WWOX: variants seen among roughly 807,000 people sequenced by gnomAD.
WWOX encodes WW domain containing oxidoreductase.
WWOX carries 69 observed loss-of-function variants against 46.2 expected under a neutral mutation model. The ratio of observed to expected loss-of-function variants is 1.49; its 90% CI spans 1.23 to 1.82. The LOEUF (loss-of-function observed/expected upper bound fraction) is 1.82. Among genes scored for constraint, WWOX ranks in the 40% most tolerant of loss-of-function variants. The pLI is 0.00. For missense variants in WWOX, 919 were observed against 542.6 expected, an observed-to-expected ratio of 1.69 and a Z score of -6.89; for synonymous variants, 359 against 202.6, an observed-to-expected ratio of 1.77 and a Z score of -6.56.
intron 8 of WWOX, among the ~76,000 whole-genome samples, chr16:79,031,909 T>TCTGTATAC (rs1567501262): frequency 0.016 from 1,110 of 69,472 alleles, 12 homozygotes; most frequent in African/African-American, 0.038. Context: ...TCTATATATA[T>TCTGTATAC]AGATATCTAT....
chr16:78,672,097 C>T (rs1024073905), intron 8 of WWOX, among the ~76,000 whole-genome samples: 3 of 152,200 alleles, frequency 2.0e-5, no homozygotes, highest in Admixed American at 6.5e-5. Flanking sequence ...CACAACTCTC[C>T]ACTTTTGTAA....
intron 5 of WWOX, among the ~76,000 whole-genome samples, chr16:78,265,522 T>C (rs1274900165): frequency 1.3e-5 from 2 of 151,782 alleles, no homozygotes. Context: ...CTACTAAAAA[T>C]ACAAAATTAG....
intron 8 of WWOX, among the ~76,000 whole-genome samples, chr16:78,463,584 T>A (rs1326745945): frequency 1.3e-5 from 2 of 152,166 alleles, no homozygotes; most frequent in Non-Finnish European, 2.9e-5. Flanking sequence ...AAAAATGAGA[T>A]GAGGTAATGA....
intron 8 of WWOX, among the ~76,000 whole-genome samples, chr16:78,492,483 A>G (rs529423710): frequency 2.6e-5 from 4 of 152,124 alleles, no homozygotes; most frequent in Admixed American, 6.5e-5. Flanking sequence ...GACTGTTTGC[A>G]TGTAACGTAC....
chr16:78,332,733 G>A (rs2080790542), intron 5 of WWOX, among the ~76,000 whole-genome samples: 2 of 152,116 alleles, frequency 1.3e-5, no homozygotes, highest in South Asian at 4.1e-4. Flanking sequence ...GATGACTGAG[G>A]ATCACTGAGT....
chr16:79,158,921 C>G (rs2050433189), intron 8 of WWOX, among the ~76,000 whole-genome samples: 1 of 152,088 alleles, frequency 6.6e-6, no homozygotes, highest in Non-Finnish European at 1.5e-5. Context: ...ACAACAGTGC[C>G]CAGGACACAC....
At chr16:79,176,832 T>C (rs140340997) in intron 8 of WWOX, among the ~76,000 whole-genome samples, 19 of 152,260 alleles carry the variant, frequency 1.2e-4, no homozygotes, top group Admixed American at 5.2e-4. Context: ...AAGAGTAATA[T>C]AGTAATTCAT....
chr16:79,181,966 A>G (rs2050921168), intron 8 of WWOX, among the ~76,000 whole-genome samples: 1 of 152,202 alleles, frequency 6.6e-6, no homozygotes, highest in Admixed American at 6.5e-5. Flanking sequence ...CAGCCTCACC[A>G]CAGCTCATTA....
intron 8 of WWOX, among the ~76,000 whole-genome samples, chr16:79,030,412 C>A (rs1037690256): frequency 6.6e-6 from 1 of 152,152 alleles, no homozygotes; most frequent in Non-Finnish European, 1.5e-5. Flanking sequence ...TTTTCATGGC[C>A]CTTTTTTCCC....
chr16:78,246,985 T>C (rs1411983182), intron 5 of WWOX, among the ~76,000 whole-genome samples: 1 of 152,172 alleles, frequency 6.6e-6, no homozygotes, highest in Non-Finnish European at 1.5e-5. Flanking sequence ...GTTGGAATCT[T>C]GCATGGGGAG....
At chr16:78,411,470 TA>T (rs2151950166) in intron 6 of WWOX, among the ~76,000 whole-genome samples, 1 of 152,076 alleles carries the variant, frequency 6.6e-6, no homozygotes, top group East Asian at 1.9e-4. Flanking sequence ...GACCCAGACT[TA>T]ATCAAGTGAG....
intron 8 of WWOX, among the ~76,000 whole-genome samples, chr16:78,904,621 C>G (rs940505676): frequency 2.0e-5 from 3 of 152,108 alleles, no homozygotes; most frequent in African/African-American, 7.2e-5. Context: ...GGTGTTGGTG[C>G]TATGATTACA....
intron 8 of WWOX, among the ~76,000 whole-genome samples, chr16:78,787,336 C>T (rs1347453858): frequency 3.9e-5 from 6 of 151,914 alleles, no homozygotes; most frequent in African/African-American, 1.2e-4. Flanking sequence ...TTTCCTCCTT[C>T]CCCCAGCCCC....
intron 8 of WWOX, among the ~76,000 whole-genome samples, chr16:78,876,321 C>G (rs1284552870): frequency 6.6e-6 from 1 of 151,850 alleles, no homozygotes; most frequent in Non-Finnish European, 1.5e-5. Flanking sequence ...TATGGCCATG[C>G]CCTTTCTTCT....
chr16:79,042,883 A>C (rs114937925), intron 8 of WWOX, among the ~76,000 whole-genome samples: 1,639 of 152,314 alleles, frequency 0.011, 33 homozygotes, highest in African/African-American at 0.038. Context: ...TATTGCTTCT[A>C]TTCATGTGTC....
intron 8 of WWOX, among the ~76,000 whole-genome samples, chr16:79,184,257 A>G (rs1389531591): frequency 1.3e-5 from 2 of 152,224 alleles, no homozygotes; most frequent in Non-Finnish European, 2.9e-5. Context: ...ATTAGTTTGT[A>G]GAGTCCACAC....
At position 79,183,097 on chromosome 16, in the gene WWOX, TG is replaced by T. The variant is rs1253173859; in HGVS notation, c.1057-28510del. Among the ~76,000 whole-genome samples, 6 of 152,218 alleles carry T rather than the reference TG, an allele frequency of 3.9e-5. No individual in the cohort carries two copies. The South Asian group carries it at 6.2e-4, about 16-fold the overall frequency. ...TGGCAACCCACTATGGGTACTCCAC[TG>T]CTGGCCTTCATGCAGGTGGAACCAC... On this transcript the variant is annotated intron_variant, in intron 8 of 8. Transcript: ENST00000566780.
At chr16:78,734,224 A>G (rs2049031461) in intron 8 of WWOX, among the ~76,000 whole-genome samples, 1 of 152,152 alleles carries the variant, frequency 6.6e-6, no homozygotes. Flanking sequence ...GACACACATC[A>G]AAATGAGACT....
intron 8 of WWOX, among the ~76,000 whole-genome samples, chr16:78,594,399 C>T (rs1040842568): frequency 7.2e-6 from 1 of 139,792 alleles, no homozygotes; most frequent in Non-Finnish European, 1.5e-5. Flanking sequence ...TTTGTGTTAC[C>T]TGAGTCTTGA....
Sources: gnomAD v4.1 joint callset for allele counts (sites outside exome capture counted in the v4.1 genomes callset) on GRCh38, gnomAD v4.1.1 for gene constraint, MANE v1.5 for transcripts, NCBI Gene and HGNC (gene_info 2026-07-23, HGNC 2026-07-21) for gene names.